Variants in IQCM observed in about 807,000 individuals in gnomAD.
The protein encoded by IQCM is IQ domain-containing protein M.
IQCM carries 45 observed loss-of-function variants against 57.6 expected under a neutral mutation model. The observed-to-expected ratio is 0.78, with a 90% CI of 0.62 to 1.00. IQCM has a LOEUF of 1.00. IQCM is among the 50% of genes least tolerant of loss of function. The probability of loss-of-function intolerance (pLI) is 0.00; values close to 1 mark genes in which losing one functional copy is unlikely to be tolerated. For missense variants in IQCM, 468 were observed against 511.6 expected (o/e 0.91, Z 0.82); for synonymous variants, 148 against 158.9 (o/e 0.93, Z 0.51).
intron 2 of IQCM, among the ~76,000 whole-genome samples, chr4:149,772,380 G>A (rs1246518457): frequency 6.6e-6 from 1 of 151,972 alleles, no homozygotes. Flanking sequence ...TCTCTACTCT[G>A]TTATATATAT....
chr4:149,556,802 T>C (rs910946931), intron 10 of IQCM, among the ~76,000 whole-genome samples: 8 of 152,206 alleles, frequency 5.3e-5, no homozygotes, highest in African/African-American at 1.7e-4. Flanking sequence ...TATCCATGCA[T>C]AGCTACTGGA....
At chr4:149,411,118 C>A (rs1006992866) in intron 13 of IQCM, among the ~76,000 whole-genome samples, 4 of 152,066 alleles carry the variant, frequency 2.6e-5, no homozygotes, top group African/African-American at 9.7e-5. Flanking sequence ...CCTATTACAT[C>A]ATAGCACTTC....
chr4:149,380,065 C>G (rs1394219519), intron 13 of IQCM, among the ~76,000 whole-genome samples: 4 of 152,122 alleles, frequency 2.6e-5, no homozygotes, highest in Non-Finnish European at 2.9e-5. Context: ...TTTCATCTCC[C>G]ACCATGATTG....
rs560156118 is a variant in IQCM, at chr4:149,589,655, G to A, written c.682-1658C>T. Among the ~76,000 whole-genome samples, 89 of 151,736 alleles carry A rather than the reference G, an allele frequency of 5.9e-4. 1 individual carries two copies. The South Asian group carries it at 0.016, about 27-fold the overall frequency. On this transcript the variant is annotated intron_variant, in intron 8 of 13. Transcript: ENST00000636793. ...TAAGAACTAACATTGACCTTTCTTC[G>A]GGAACACAACAATAACCCGGAAAAT...
chr4:149,789,746 C>CA (rs1199333835), intron 2 of IQCM, among the ~76,000 whole-genome samples: 2 of 150,528 alleles, frequency 1.3e-5, no homozygotes, highest in African/African-American at 4.9e-5. Flanking sequence ...ACTAATAATA[C>CA]AAAAAAATTG....
chr4:149,368,965 T>A lies in IQCM; in HGVS notation c.1391-16899A>T, dbSNP rs1423907283. Among the ~76,000 whole-genome samples, 4 of 55,386 alleles carry A rather than the reference T, an allele frequency of 7.2e-5. 1 individual carries two copies. Among genetic ancestry groups the A allele is most frequent in the Non-Finnish European group, 1.4e-4 (4 of 29,438 alleles). The allele number at this position is 55,386 out of a possible 152,430, so 36.3% of individuals were successfully genotyped here. A position where few individuals can be genotyped will look rare whatever the true frequency, so the allele number is the denominator to read the frequency against. On this transcript the variant is annotated intron_variant, in intron 13 of 13. Transcript: ENST00000636793. ...ATATGTGTATATATATACACGTGTATATATATATGTGTATATATATACACG... is the reference window on the plus strand; with the variant it reads ...ATATGTGTATATATATACACGTGTAAATATATATGTGTATATATATACACG...
At chr4:149,500,630 C>T (rs1420013419) in intron 12 of IQCM, among the ~76,000 whole-genome samples, 1 of 152,048 alleles carries the variant, frequency 6.6e-6, no homozygotes, top group African/African-American at 2.4e-5. Context: ...CTCCAGAAAC[C>T]ATAGAAATGT....
At chr4:149,591,893 A>T (rs967249767) in intron 8 of IQCM, among the ~76,000 whole-genome samples, 2 of 152,154 alleles carry the variant, frequency 1.3e-5, no homozygotes, top group African/African-American at 4.8e-5. Flanking sequence ...TGCTATTGTG[A>T]ATAGTGCCAC....
chr4:149,756,937 A>G (rs1231365340), intron 2 of IQCM, among the ~76,000 whole-genome samples: 4 of 152,238 alleles, frequency 2.6e-5, no homozygotes, highest in Non-Finnish European at 4.4e-5. Flanking sequence ...ACCACACAGT[A>G]ATTTTTGAAA....
At chr4:149,584,058 C>T (rs1016548081) in intron 9 of IQCM, among the ~76,000 whole-genome samples, 6 of 151,326 alleles carry the variant, frequency 4.0e-5, no homozygotes, top group Admixed American at 1.3e-4. Flanking sequence ...AAATTAAGAA[C>T]AACATTTATT....
At chr4:149,567,955 T>C (rs1750789853) in intron 9 of IQCM, among the ~76,000 whole-genome samples, 1 of 152,194 alleles carries the variant, frequency 6.6e-6, no homozygotes, top group Non-Finnish European at 1.5e-5. Flanking sequence ...TCAGCTGTTT[T>C]AAATATGGCC....
intron 12 of IQCM, among the ~76,000 whole-genome samples, chr4:149,502,385 G>A (rs781022610): frequency 6.6e-6 from 1 of 152,120 alleles, no homozygotes; most frequent in Non-Finnish European, 1.5e-5. Flanking sequence ...AAGAGGCTGG[G>A]TGCATGCCTT....
chr4:149,381,652 A>G (rs1731084528), intron 13 of IQCM, among the ~76,000 whole-genome samples: 1 of 151,876 alleles, frequency 6.6e-6, no homozygotes, highest in Non-Finnish European at 1.5e-5. Context: ...TTTTCCTATC[A>G]TTGCATTTAA....
chr4:149,706,447 T>C (rs1286142014), intron 5 of IQCM, among the ~76,000 whole-genome samples: 2 of 151,962 alleles, frequency 1.3e-5, no homozygotes, highest in South Asian at 2.1e-4. Flanking sequence ...GTGCTTTCTC[T>C]AGATTGCCAT....
At chr4:149,685,160 A>T (rs1762462416) in intron 6 of IQCM, among the ~76,000 whole-genome samples, 1 of 151,474 alleles carries the variant, frequency 6.6e-6, no homozygotes, top group African/African-American at 2.4e-5. Flanking sequence ...AAACATTATT[A>T]TTCTGCCATG....
intron 8 of IQCM, among the ~76,000 whole-genome samples, chr4:149,617,125 T>C (rs753314574): frequency 1.6e-4 from 24 of 152,038 alleles, no homozygotes; most frequent in Non-Finnish European, 2.5e-4. Flanking sequence ...CTGGCTAATT[T>C]TGTATTTTTA....
intron 13 of IQCM, among the ~76,000 whole-genome samples, chr4:149,359,046 T>C (rs548804121): frequency 1.3e-5 from 2 of 152,118 alleles, no homozygotes; most frequent in South Asian, 4.2e-4. Flanking sequence ...AATTTCCCTG[T>C]TTCCATAAGC....
At chr4:149,416,699 T>C (rs985117407) in intron 13 of IQCM, among the ~76,000 whole-genome samples, 9 of 152,004 alleles carry the variant, frequency 5.9e-5, no homozygotes, top group African/African-American at 1.2e-4. Context: ...ATTTTAGGTA[T>C]TGATTAGAGG....
intron 8 of IQCM, among the ~76,000 whole-genome samples, chr4:149,607,080 A>T (rs2150044967): frequency 6.6e-6 from 1 of 152,216 alleles, no homozygotes; most frequent in South Asian, 2.1e-4. Context: ...TACCAAGTGG[A>T]TTCAACCCAA....
Sources: allele counts gnomAD v4.1 joint callset (sites outside exome capture counted in the v4.1 genomes callset), GRCh38; gene constraint gnomAD v4.1.1; transcripts MANE v1.5; gene names NCBI Gene and HGNC (gene_info 2026-07-23, HGNC 2026-07-21).